The following MAGI1 variants were observed in gnomAD, a reference collection of about 807,000 sequenced individuals.
The protein encoded by MAGI1 is membrane-associated guanylate kinase, WW and PDZ domain-containing protein 1.
MAGI1 carries 58 observed loss-of-function variants against 139.9 expected under a neutral mutation model. The observed-to-expected ratio is 0.41, with a 90% CI of 0.34 to 0.52. MAGI1 has a LOEUF of 0.52. Among genes scored for constraint, MAGI1 ranks in the 20% least tolerant of loss-of-function variants. The pLI is 0.12. For missense variants in MAGI1, 1,874 were observed against 1,901.6 expected (o/e 0.99, Z 0.27); for synonymous variants, 812 against 737.9 (o/e 1.10, Z -1.63).
At chr3:65,579,620 T>A (rs1055832501) in intron 2 of MAGI1, among the ~76,000 whole-genome samples, 47 of 152,090 alleles carry the variant, frequency 3.1e-4, no homozygotes, top group African/African-American at 1.1e-3. Context: ...CCAAGGCGGG[T>A]AGGTCACCTT....
At chr3:65,502,488 G>GAC (rs1200583323) in intron 2 of MAGI1, among the ~76,000 whole-genome samples, 1 of 152,168 alleles carries the variant, frequency 6.6e-6, no homozygotes, top group African/African-American at 2.4e-5. Context: ...CAGGCATTTT[G>GAC]ACACACACCT....
At chr3:65,694,201 C>T (rs2088937956) in intron 1 of MAGI1, among the ~76,000 whole-genome samples, 1 of 152,106 alleles carries the variant, frequency 6.6e-6, no homozygotes, top group Non-Finnish European at 1.5e-5. Flanking sequence ...CTGTAATACA[C>T]TCAAACTCCT....
intron 1 of MAGI1, among the ~76,000 whole-genome samples, chr3:65,643,603 C>A (rs1166310366): frequency 6.6e-6 from 1 of 151,990 alleles, no homozygotes; most frequent in Non-Finnish European, 1.5e-5. Context: ...TCTCATATAT[C>A]CCAGAATCAG....
At chr3:65,626,069 G>T (rs189317532) in intron 1 of MAGI1, among the ~76,000 whole-genome samples, 210 of 152,278 alleles carry the variant, frequency 1.4e-3, no homozygotes, top group African/African-American at 4.8e-3. Flanking sequence ...AATTCCCATT[G>T]CCTGCAATGT....
chr3:65,756,098 G>T (rs2036541321), intron 1 of MAGI1, among the ~76,000 whole-genome samples: 2 of 152,162 alleles, frequency 1.3e-5, no homozygotes, highest in Admixed American at 1.3e-4. Context: ...AAATTATCGT[G>T]TCGGGGCTTA....
At chr3:65,597,985 C>A (rs1011786022) in intron 2 of MAGI1, 3 of 446,346 alleles carry the variant, frequency 6.7e-6, no homozygotes, top group Non-Finnish European at 1.3e-5. Context: ...GGCCACCTGA[C>A]CACAGAGCGG....
intron 6 of MAGI1, among the ~76,000 whole-genome samples, chr3:65,452,053 C>G (rs1949062935): frequency 6.6e-6 from 1 of 152,074 alleles, no homozygotes; most frequent in Non-Finnish European, 1.5e-5. Flanking sequence ...TATTATCTCC[C>G]AAGCATGCAA....
At chr3:65,951,023 GGAAGGAAGGAAGGA>G (rs751658202) in intron 1 of MAGI1, among the ~76,000 whole-genome samples, 8,454 of 103,936 alleles carry the variant, frequency 0.081, 937 homozygotes, top group East Asian at 0.12. Flanking sequence ...AAGGAAGGAA[GGAAGGAAGGAAGGA>G]AAGGAGGGAG....
chr3:65,460,729 T>A (rs1459457508), intron 5 of MAGI1, among the ~76,000 whole-genome samples: 2 of 152,062 alleles, frequency 1.3e-5, no homozygotes, highest in Middle Eastern at 3.2e-3. Context: ...CCCTAGTGTG[T>A]GATGTTCCCC....
intron 2 of MAGI1, among the ~76,000 whole-genome samples, chr3:65,583,024 C>G (rs1260044138): frequency 1.3e-5 from 2 of 152,204 alleles, no homozygotes; most frequent in Non-Finnish European, 2.9e-5. Context: ...TGTATTTTCT[C>G]TAACCCAATA....
At chr3:65,618,975 T>A (rs1030197790) in intron 2 of MAGI1, among the ~76,000 whole-genome samples, 1 of 152,198 alleles carries the variant, frequency 6.6e-6, no homozygotes, top group African/African-American at 2.4e-5. Context: ...TAAATATAAT[T>A]AAATTTCAAC....
At chr3:65,611,296 G>C (rs1015343162) in intron 2 of MAGI1, among the ~76,000 whole-genome samples, 1 of 140,080 alleles carries the variant, frequency 7.1e-6, no homozygotes, top group Non-Finnish European at 1.5e-5. Context: ...TATACTATGT[G>C]TATATACTAT....
intron 1 of MAGI1, among the ~76,000 whole-genome samples, chr3:65,747,331 G>A (rs917834463): frequency 6.6e-6 from 1 of 152,226 alleles, no homozygotes; most frequent in Middle Eastern, 3.4e-3. Flanking sequence ...GTTTTCCAGA[G>A]GCTACAGGCC....
chr3:65,931,412 T>C (rs879837667), intron 1 of MAGI1, among the ~76,000 whole-genome samples: 34 of 152,200 alleles, frequency 2.2e-4, no homozygotes, highest in Non-Finnish European at 4.6e-4. Context: ...GAACCCTCTC[T>C]TGAGGTCTAG....
chr3:65,846,656 C>A (rs1316304816), intron 1 of MAGI1, among the ~76,000 whole-genome samples: 1 of 152,140 alleles, frequency 6.6e-6, no homozygotes, highest in African/African-American at 2.4e-5. Flanking sequence ...CGCCTTGTAA[C>A]AGTTCTGAAG....
intron 1 of MAGI1, among the ~76,000 whole-genome samples, chr3:65,685,354 G>A (rs1576722696): frequency 6.8e-6 from 1 of 147,160 alleles, no homozygotes; most frequent in Non-Finnish European, 1.5e-5. Flanking sequence ...GTTAATACTT[G>A]TCATTTCTGG....
intron 1 of MAGI1, among the ~76,000 whole-genome samples, chr3:65,673,209 T>C (rs1056389082): frequency 6.6e-6 from 1 of 152,176 alleles, no homozygotes; most frequent in Non-Finnish European, 1.5e-5. Flanking sequence ...CAGAAGCTCT[T>C]AAACATTTCT....
intron 2 of MAGI1, among the ~76,000 whole-genome samples, chr3:65,494,156 T>C (rs577456445): frequency 9.2e-5 from 14 of 152,300 alleles, no homozygotes; most frequent in East Asian, 5.8e-4. Flanking sequence ...GCCTGAGATC[T>C]GTGGTTGGAC....
chr3:65,980,273 C>T (rs185743837), intron 1 of MAGI1, among the ~76,000 whole-genome samples: 1 of 152,096 alleles, frequency 6.6e-6, no homozygotes, highest in Non-Finnish European at 1.5e-5. Flanking sequence ...GAAAAATAAA[C>T]AGGTAATGGC....
Sources: allele counts gnomAD v4.1 joint callset (sites outside exome capture counted in the v4.1 genomes callset), GRCh38; gene constraint gnomAD v4.1.1; transcripts MANE v1.5; gene names NCBI Gene and HGNC (gene_info 2026-07-23, HGNC 2026-07-21).